PLXDC2: variants seen among roughly 807,000 people sequenced by gnomAD.
PLXDC2 encodes plexin domain-containing protein 2.
PLXDC2 carries 40 observed loss-of-function variants against 68.9 expected under a neutral mutation model. That is an observed-to-expected ratio of 0.58 (90% CI 0.45 to 0.76). PLXDC2 has a LOEUF of 0.76. Among genes scored for constraint, PLXDC2 ranks in the 30% least tolerant of loss-of-function variants. The probability of loss-of-function intolerance (pLI) is 0.00; values close to 1 mark genes in which losing one functional copy is unlikely to be tolerated. For synonymous variants in PLXDC2, 243 were observed against 234.2 expected (o/e 1.04, Z -0.34); for missense variants, 644 against 661.9 (o/e 0.97, Z 0.30).
In PLXDC2 at chr10:20,284,437, G is replaced by GTGTGTA. The variant is rs1433750834; in HGVS notation, c.*4621_*4622insGTATGT. 6.7e-6 allele frequency: 1 copy of GTGTGTA among 149,928 alleles called. No homozygotes were observed. Among genetic ancestry groups the GTGTGTA allele is most frequent in the Non-Finnish European group, 1.5e-5 (1 of 67,286 alleles). 9.3% of individuals were successfully genotyped at this position (149,928 alleles called of 1,614,324 possible). On this transcript the variant is annotated 3_prime_UTR_variant, in exon 14 of 14. Transcript: ENST00000377252. ...TGTGTGTGTGTGTGTGTGTGTGTGT[G>GTGTGTA]TGTTAGCCAAGTGTGGTTTCTCATG... is the stretch of plus-strand genomic sequence containing the variant.
chr10:19,963,563 C>T (rs539157081), intron 1 of PLXDC2, among the ~76,000 whole-genome samples: 2 of 152,278 alleles, frequency 1.3e-5, no homozygotes, highest in Admixed American at 1.3e-4. Flanking sequence ...TGGAAACCAT[C>T]ATTCTCAGCA....
chr10:19,839,462 A>T (rs1007135921), intron 1 of PLXDC2, among the ~76,000 whole-genome samples: 8 of 152,148 alleles, frequency 5.3e-5, no homozygotes, highest in African/African-American at 1.7e-4. Flanking sequence ...AAGCCAAAAG[A>T]TTGGACACCA....
At chr10:20,074,452 G>T (rs1836399869) in intron 4 of PLXDC2, among the ~76,000 whole-genome samples, 1 of 151,902 alleles carries the variant, frequency 6.6e-6, no homozygotes, top group Non-Finnish European at 1.5e-5. Flanking sequence ...ACTTTTTGAG[G>T]TATGGTATAT....
intron 13 of PLXDC2, among the ~76,000 whole-genome samples, 174 bp downstream of exon 13, chr10:20,245,679 T>C (rs2119336179): frequency 6.6e-6 from 1 of 152,358 alleles, no homozygotes; most frequent in African/African-American, 2.4e-5. Context: ...ATTGATAGAT[T>C]GCTTTCAGAT....
At position 20,098,389 on chromosome 10, in the gene PLXDC2, A is replaced by AATC. The variant is rs1288360015; in HGVS notation, c.541+30150_541+30151insATC. On this transcript the variant is annotated intron_variant, in intron 4 of 13. Transcript: ENST00000377252. The stretch of plus-strand genomic sequence containing the variant: ...TGTGTGTGTGTGTGTGTGTGTATGT[A>AATC]TGTAATCTCCCATCTCCCAGTACCT... 5.3e-3 allele frequency among the ~76,000 whole-genome samples: 545 copies of AATC among 102,218 alleles called. 6 individuals are homozygous for AATC. The highest frequency in any genetic ancestry group is 0.017 in the African/African-American group (510 of 30,738). 67.1% of individuals were successfully genotyped at this position (102,218 alleles called of 152,430 possible). A position where few individuals can be genotyped will look rare whatever the true frequency, so the allele number is the denominator to read the frequency against.
intron 1 of PLXDC2, among the ~76,000 whole-genome samples, chr10:19,855,170 T>C (rs934286229): frequency 5.3e-5 from 8 of 152,198 alleles, no homozygotes; most frequent in Non-Finnish European, 1.0e-4. Flanking sequence ...GTAGTAGAAA[T>C]GAGTTTTTAT....
At chr10:20,074,004 AAAGGGG>A (rs1702734521) in intron 4 of PLXDC2, among the ~76,000 whole-genome samples, 1 of 152,142 alleles carries the variant, frequency 6.6e-6, no homozygotes, top group Non-Finnish European at 1.5e-5. Flanking sequence ...AACTTTATGT[AAAGGGG>A]AAGAGAAGAG....
chr10:20,081,731 G>A (rs1836562201), intron 4 of PLXDC2, among the ~76,000 whole-genome samples: 1 of 152,052 alleles, frequency 6.6e-6, no homozygotes, highest in Non-Finnish European at 1.5e-5. Flanking sequence ...CAACTGTCCA[G>A]GTCATTAAAT....
At chr10:20,223,391 C>A (rs1180495261) in intron 12 of PLXDC2, among the ~76,000 whole-genome samples, 1 of 148,108 alleles carries the variant, frequency 6.8e-6, no homozygotes, top group African/African-American at 2.5e-5. Flanking sequence ...TGGCTCACTG[C>A]AGCCTCTGCC....
chr10:20,239,513 G>T (rs1331245649), intron 12 of PLXDC2, among the ~76,000 whole-genome samples: 1 of 152,156 alleles, frequency 6.6e-6, no homozygotes, highest in Admixed American at 6.5e-5. Flanking sequence ...AGAGAAAGAA[G>T]GGGAAGTGCC....
intron 1 of PLXDC2, among the ~76,000 whole-genome samples, chr10:19,836,001 A>G (rs1458321062): frequency 2.0e-5 from 3 of 151,780 alleles, no homozygotes; most frequent in Admixed American, 6.6e-5. Context: ...GTGAGACCCC[A>G]TCTCTACAAA....
At chr10:20,251,272 G>C (rs1263976556) in intron 13 of PLXDC2, among the ~76,000 whole-genome samples, 1 of 152,124 alleles carries the variant, frequency 6.6e-6, no homozygotes, top group South Asian at 2.1e-4. Flanking sequence ...ATTTTCTAAA[G>C]GTTGTCTGAT....
intron 3 of PLXDC2, among the ~76,000 whole-genome samples, chr10:20,057,187 G>A (rs971409240): frequency 1.3e-5 from 2 of 151,956 alleles, no homozygotes; most frequent in African/African-American, 4.8e-5. Flanking sequence ...GATTTTACAT[G>A]GCTCCTTTGA....
intron 1 of PLXDC2, among the ~76,000 whole-genome samples, chr10:19,857,596 T>C (rs1369041690): frequency 2.0e-5 from 3 of 152,248 alleles, no homozygotes; most frequent in African/African-American, 7.2e-5. Flanking sequence ...AGACCTTTCT[T>C]TTTCCAATTT....
At chr10:19,874,318 AC>A (rs1466845719) in intron 1 of PLXDC2, among the ~76,000 whole-genome samples, 1 of 152,202 alleles carries the variant, frequency 6.6e-6, no homozygotes. Flanking sequence ...CAGACATGGA[AC>A]AATTTTCTTT....
chr10:20,163,829 A>T (rs1196607775), intron 6 of PLXDC2, among the ~76,000 whole-genome samples: 1 of 152,178 alleles, frequency 6.6e-6, no homozygotes, highest in Non-Finnish European at 1.5e-5. Flanking sequence ...TATCGTATTC[A>T]GATCTTGGTT....
chr10:20,227,663 G>A (rs536670825), intron 12 of PLXDC2, among the ~76,000 whole-genome samples: 64 of 152,246 alleles, frequency 4.2e-4, no homozygotes, highest in South Asian at 4.2e-3. Flanking sequence ...TTTTACGCCA[G>A]GCAATGGGGT....
At chr10:19,822,808 T>G (rs1836495138) in intron 1 of PLXDC2, among the ~76,000 whole-genome samples, 1 of 152,222 alleles carries the variant, frequency 6.6e-6, no homozygotes, top group Non-Finnish European at 1.5e-5. Flanking sequence ...TTAGGCACTT[T>G]GCCTATTTTA....
Position 20,143,372 on chromosome 10 carries a change from G to A in PLXDC2, c.619G>A (p.Asp207Asn), listed in dbSNP as rs771691194. 21 of 1,613,182 alleles carry A rather than the reference G, an allele frequency of 1.3e-5. No individual in the cohort carries two copies. Among genetic ancestry groups the A allele is most frequent in the Non-Finnish European group, 1.7e-5 (20 of 1,179,358 alleles). Residue 207 changes from aspartate to asparagine, a missense_variant, in exon 5 of 14, where the codon GAT becomes AAT. Physicochemically the swap from Asp to Asn is conservative, Grantham distance 23. Transcript: ENST00000377252. ...QYIAPLMANF[D>N]PSVSRNSTVR... The stretch of plus-strand genomic sequence containing the variant: ...CATAGCACCTTTAATGGCAAATTTC[G>A]ATCCCAGTGTATCCAGAAATTCAAC...
Sources: allele counts gnomAD v4.1 joint callset (sites outside exome capture counted in the v4.1 genomes callset), GRCh38; gene constraint gnomAD v4.1.1; transcripts MANE v1.5; gene names NCBI Gene and HGNC (gene_info 2026-07-23, HGNC 2026-07-21).